PI4KB: variants seen among roughly 807,000 people sequenced by gnomAD.
PI4KB encodes the protein PtdIns 4-kinase beta.
In PI4KB, 23 loss-of-function variants were observed where a neutral mutation model predicts 81.4. That is an observed-to-expected ratio of 0.28 (90% confidence interval 0.20 to 0.40). The LOEUF (loss-of-function observed/expected upper bound fraction) is 0.40. PI4KB is among the 10% of genes least tolerant of loss of function. PI4KB has a pLI of 1.00. For missense variants in PI4KB, 651 were observed against 1,036.6 expected (o/e 0.63, Z 5.11); for synonymous variants, 381 against 406.8 (o/e 0.94, Z 0.76).
At chr1:151,293,281 T>C in intron 11 of PI4KB, 1 of 1,393,234 alleles carries the variant, frequency 7.2e-7, no homozygotes, top group South Asian at 1.4e-5. Context: ...ACACCACATC[T>C]CCCTCAGTAA....
intron 1 of PI4KB, among the ~76,000 whole-genome samples, chr1:151,316,822 T>C (rs1231119811): frequency 6.6e-6 from 1 of 152,102 alleles, no homozygotes; most frequent in Non-Finnish European, 1.5e-5. Flanking sequence ...TTTTTGTTGT[T>C]GTTGTTGTTG....
At chr1:151,324,903 A>G in intron 1 of PI4KB, 10 of 984,838 alleles carry the variant, frequency 1.0e-5, no homozygotes, top group Non-Finnish European at 1.2e-5. Flanking sequence ...ATTCTCATGG[A>G]GCGTGGACTC....
intron 1 of PI4KB, among the ~76,000 whole-genome samples, chr1:151,322,089 C>T (rs1232885619): frequency 5.3e-5 from 8 of 152,148 alleles, no homozygotes; most frequent in Non-Finnish European, 1.5e-5. Flanking sequence ...TGAGGCTCTA[C>T]ACTTCACACT....
At position 151,301,989 on chromosome 1, in the gene PI4KB, G is replaced by A. The variant is rs2296841; in HGVS notation, c.1626-22C>T. On this transcript the variant is annotated intron_variant, in intron 7 of 11. Coordinates refer to ENST00000368873, the MANE Select transcript of PI4KB (RefSeq NM_001369623.2). ...CCGCCTGTGAAGACAGAAGTAAAGG[G>A]TGTCAAAGGTTGATGCCAGGGTGAG... 1,703 of 1,613,022 alleles carry A rather than the reference G, an allele frequency of 1.1e-3. 34 individuals carry two copies. The East Asian group carries it at 0.037, about 35-fold the overall frequency.
chr1:151,322,981 A>G (rs1649063671), intron 1 of PI4KB, among the ~76,000 whole-genome samples: 1 of 152,190 alleles, frequency 6.6e-6, no homozygotes, highest in South Asian at 2.1e-4. Flanking sequence ...AGATGGATCC[A>G]CAAGAGATGG....
rs12082248 is a variant in PI4KB, at chr1:151,324,237, G to A, written c.-29+3034C>T. ...CAGCCTCCCGAAGTGCTGGGATTACGGGCATGAGCCACGGTGCCCAGCCCA... is the reference window on the plus strand; with the variant it reads ...CAGCCTCCCGAAGTGCTGGGATTACAGGCATGAGCCACGGTGCCCAGCCCA... On this transcript the variant is annotated intron_variant, in intron 1 of 11. Coordinates refer to ENST00000368873, the MANE Select transcript of PI4KB (RefSeq NM_001369623.2). 6.9e-3 allele frequency among the ~76,000 whole-genome samples: 1,044 copies of A among 152,176 alleles called. 13 individuals carry two copies. The highest frequency in any genetic ancestry group is 0.023 in the African/African-American group (973 of 41,524).
chr1:151,293,389 C>G (rs1473100150), intron 11 of PI4KB: 1 of 1,304,926 alleles, frequency 7.7e-7, no homozygotes, highest in Non-Finnish European at 1.0e-6. Flanking sequence ...TATGCTACGT[C>G]TGACACTCAC....
intron 1 of PI4KB, among the ~76,000 whole-genome samples, chr1:151,320,679 C>G (rs1292694449): frequency 6.6e-6 from 1 of 152,200 alleles, no homozygotes; most frequent in Non-Finnish European, 1.5e-5. Context: ...AAGAAGGAAG[C>G]TTTAATCATT....
chr1:151,293,788 C>T, intron 11 of PI4KB: 1 of 494,662 alleles, frequency 2.0e-6, no homozygotes, highest in Non-Finnish European at 3.6e-6. Flanking sequence ...CCTAAAGATG[C>T]CAAGGAGGCA....
intron 9 of PI4KB, among the ~76,000 whole-genome samples, chr1:151,296,722 G>A (rs1311232109): frequency 3.3e-5 from 5 of 151,064 alleles, no homozygotes; most frequent in East Asian, 2.0e-4. Context: ...TGCCCACCTC[G>A]GCCTCCCAAA....
rs746866335 is a variant in PI4KB at position 151,316,311 on chromosome 1, C to T, written c.171G>A (p.Glu57=). 5 of 1,614,032 alleles carry T rather than the reference C, an allele frequency of 3.1e-6. No homozygotes were observed. The African/African-American group carries it at 4.0e-5, about 13-fold the overall frequency. ...VAQKACQEVL[E]KVKLLHGGVA... The stretch of plus-strand genomic sequence containing the variant: ...CGCCTCCATGCAAAAGCTTGACTTT[C>T]TCCAACACCTCCTGGCAGGCCTTCT... Residue 57 remains glutamate, a synonymous_variant, in exon 2 of 12, where the codon GAG becomes GAA. Coordinates refer to ENST00000368873, the MANE Select transcript of PI4KB (RefSeq NM_001369623.2).
rs747385517 is a variant in PI4KB at position 151,293,932 on chromosome 1, G to A, written c.2269+86C>T. 39 of 1,487,320 alleles carry A rather than the reference G, an allele frequency of 2.6e-5. 1 individual carries two copies. The highest frequency in any genetic ancestry group is 1.7e-4 in the African/African-American group (12 of 71,688). 92.1% of individuals were successfully genotyped at this position (1,487,320 alleles called of 1,614,324 possible). ...AACCCCCCTCCCTCAACCGAGTCTCGTGGGATCAGCTTTCTTATGCTCCAG... is the reference window on the plus strand; with the variant it reads ...AACCCCCCTCCCTCAACCGAGTCTCATGGGATCAGCTTTCTTATGCTCCAG... On this transcript the variant is annotated intron_variant, in intron 11 of 11. Transcript: ENST00000368873.
rs1260675714 is a variant in PI4KB, at chr1:151,292,885, G to A, written c.2418C>T (p.Asp806=). Reference sequence around the variant, plus strand: ...TGCCGTTGGTGAGGTACTGGAAGCCGTCATAGAGTTTGGTGGTGATAGACC... The same window carrying A: ...TGCCGTTGGTGAGGTACTGGAAGCCATCATAGAGTTTGGTGGTGATAGACC... The part of the protein sequence containing the change: ...SMRSITTKLY[D]GFQYLTNGIM Residue 806 remains aspartate, a synonymous_variant, in exon 12 of 12, where the codon GAC becomes GAT. Transcript: ENST00000368873. 28 of 1,614,020 alleles carry A rather than the reference G, an allele frequency of 1.7e-5. No homozygotes were observed. In the East Asian group the frequency reaches 2.2e-4, roughly 13 times the overall value.
chr1:151,298,466 A>C (rs1485838257), intron 9 of PI4KB: 2 of 279,040 alleles, frequency 7.2e-6, no homozygotes, highest in African/African-American at 4.4e-5. Flanking sequence ...ACTGCCATGC[A>C]GTGCAGTCTG....
intron 5 of PI4KB, among the ~76,000 whole-genome samples, chr1:151,304,799 G>T (rs1373926866): frequency 6.6e-6 from 1 of 151,712 alleles, no homozygotes; most frequent in Admixed American, 6.6e-5. Context: ...CCGAGTAGCT[G>T]GGATTACAGG....
chr1:151,293,988 C>G, intron 11 of PI4KB, 30 bp downstream of exon 11: 1 of 1,613,484 alleles, frequency 6.2e-7, no homozygotes, highest in East Asian at 2.2e-5. Context: ...GCCTGAGGCA[C>G]TATAGCACCT....
rs1647830775 is a variant in PI4KB at position 151,315,720 on chromosome 1, C to A, written c.762G>T (p.Leu254=). 1.2e-6 allele frequency: 2 copies of A among 1,614,082 alleles called. No individual in the cohort carries two copies. Among genetic ancestry groups the A allele is most frequent in the South Asian group, 2.2e-5 (2 of 91,070 alleles). ...TGTCAGGGGCCGGGCTCAAGGAGGG[C>A]AGCTCCCTCTTCCTGTGAGCTGGCT... ...ELKPAHRKRE[L]PSLSPAPDTG... Residue 254 remains leucine, a synonymous_variant, in exon 2 of 12, where the codon CTG becomes CTT. Transcript: ENST00000368873.
At chr1:151,325,565 G>A (rs1649488823) in intron 1 of PI4KB, among the ~76,000 whole-genome samples, 1 of 152,172 alleles carries the variant, frequency 6.6e-6, no homozygotes, top group South Asian at 2.1e-4. Flanking sequence ...AGAATCTGGA[G>A]TTATGGATCA....
chr1:151,306,148 C>T lies in PI4KB; in HGVS notation c.1398G>A (p.Glu466=), dbSNP rs587720009. 5 of 1,613,698 alleles carry T rather than the reference C, an allele frequency of 3.1e-6. No homozygotes were observed. In the South Asian group the frequency reaches 3.3e-5, roughly 11 times the overall value. Residue 466 remains glutamate (E), a synonymous_variant, in exon 5 of 12, where the codon GAG becomes GAA. Transcript: ENST00000368873. ...GAAGCCCTCTCACCTCCACTTGCAG[C>T]TCGCCTATGTCATCCACCGACCAGG... ...DEAWSVDDIG[E]LQVELPEVHT...
Sources: allele counts gnomAD v4.1 joint callset (sites outside exome capture counted in the v4.1 genomes callset), GRCh38; gene constraint gnomAD v4.1.1; transcripts MANE v1.5; gene names NCBI Gene and HGNC (gene_info 2026-07-23, HGNC 2026-07-21).